ZNF136: variants seen among roughly 807,000 people sequenced by gnomAD.
ZNF136 encodes zinc finger protein 136.
Under a neutral mutation model 11.4 loss-of-function variants are expected in ZNF136, and 8 were observed. The observed-to-expected ratio is 0.70, with a 90% CI of 0.41 to 1.27. The LOEUF (loss-of-function observed/expected upper bound fraction) is 1.27. ZNF136 is among the 50% of genes most tolerant of loss of function. ZNF136 has a pLI of 0.01. For synonymous variants in ZNF136, 190 were observed against 207.1 expected (o/e 0.92, Z 0.71); for missense variants, 590 against 656.5 (o/e 0.90, Z 1.11).
At chr19:12,166,399 G>T (rs965723739) in intron 1 of ZNF136, among the ~76,000 whole-genome samples, 1 of 152,136 alleles carries the variant, frequency 6.6e-6, no homozygotes, top group Non-Finnish European at 1.5e-5. Flanking sequence ...TCAGGGAAAA[G>T]AAATGGGGGT....
At position 12,187,988 on chromosome 19, in the gene ZNF136, G is replaced by T; in HGVS notation, c.1610G>T (p.Trp537Leu). ...GATGGACCACCTTATAAATGCATGT[G>T]GGAAAGCCTTTAATGCTCTGGGTTC... ...AEDGPPYKCM[W>L]ESL The change falls in exon 4 of 4, where the codon TGG becomes TTG. Residue 537 changes from tryptophan (W) to leucine (L), a missense_variant. Coordinates refer to ENST00000343979, the MANE Select transcript of ZNF136 (RefSeq NM_003437.5). 6.6e-7 allele frequency: 1 copy of T among 1,524,856 alleles called. No individual in the cohort carries two copies. The highest frequency in any genetic ancestry group is 8.8e-7 in the Non-Finnish European group (1 of 1,140,982). The allele number at this position is 1,524,856 out of a possible 1,614,324, so 94.5% of individuals were successfully genotyped here.
chr19:12,177,464 T>A (rs918188171), intron 1 of ZNF136, among the ~76,000 whole-genome samples: 2 of 152,220 alleles, frequency 1.3e-5, no homozygotes, highest in East Asian at 3.9e-4. Context: ...TTCTCCTGCC[T>A]CAGCCTCCTG....
intron 1 of ZNF136, 134 bp from the exon 2 acceptor site, chr19:12,185,651 T>G: frequency 8.8e-7 from 1 of 1,139,718 alleles, no homozygotes; most frequent in Non-Finnish European, 1.2e-6. Flanking sequence ...TGGAAGGAAG[T>G]GAGTATGATG....
chr19:12,167,541 C>T (rs966702666), intron 1 of ZNF136, among the ~76,000 whole-genome samples: 2 of 152,210 alleles, frequency 1.3e-5, no homozygotes, highest in African/African-American at 2.4e-5. Flanking sequence ...GCCTAGGCAA[C>T]ATTGCCAGAC....
In ZNF136 at chr19:12,186,798, T is replaced by TA; in HGVS notation, c.421dup (p.Thr141AsnfsTer3). On this transcript the variant is annotated frameshift_variant, in exon 4 of 4. Coordinates refer to ENST00000343979, the MANE Select transcript of ZNF136 (RefSeq NM_003437.5). LOFTEE classifies it low-confidence loss of function (END_TRUNC). ...ATCAGGAATATGGAGAGAAGCCAGA[T>TA]ACACGTAACCAGTGTTGGAAACCCT... The TA allele has an allele frequency of 6.2e-7, 1 of 1,614,146 alleles. No homozygotes were observed. The highest frequency in any genetic ancestry group is 8.5e-7 in the Non-Finnish European group (1 of 1,180,020).
chr19:12,176,123 C>T (rs1408138896), intron 1 of ZNF136, among the ~76,000 whole-genome samples: 1 of 152,134 alleles, frequency 6.6e-6, no homozygotes, highest in African/African-American at 2.4e-5. Context: ...AATAACGCTG[C>T]TATAAACATC....
chr19:12,182,110 A>G (rs1358767637), intron 1 of ZNF136, among the ~76,000 whole-genome samples: 2 of 152,130 alleles, frequency 1.3e-5, no homozygotes, highest in Non-Finnish European at 2.9e-5. Flanking sequence ...GAAAGATGTC[A>G]TATTTTAAGT....
At chr19:12,177,769 A>G (rs1914837860) in intron 1 of ZNF136, among the ~76,000 whole-genome samples, 1 of 152,204 alleles carries the variant, frequency 6.6e-6, no homozygotes, top group Non-Finnish European at 1.5e-5. Flanking sequence ...TTTGTCATTT[A>G]TATTTGCTCT....
At chr19:12,180,891 G>T (rs983683723) in intron 1 of ZNF136, among the ~76,000 whole-genome samples, 6 of 152,236 alleles carry the variant, frequency 3.9e-5, no homozygotes, top group African/African-American at 1.4e-4. Flanking sequence ...CTAGAACCAC[G>T]TTGGATCCCT....
At chr19:12,170,756 G>GCCTCCC (rs1313307450) in intron 1 of ZNF136, among the ~76,000 whole-genome samples, 3 of 151,364 alleles carry the variant, frequency 2.0e-5, no homozygotes, top group African/African-American at 7.3e-5. Context: ...TGCAACCTCT[G>GCCTCCC]CCTCCTGGGT....
intron 1 of ZNF136, among the ~76,000 whole-genome samples, chr19:12,163,440 A>G (rs1029804750): frequency 1.3e-5 from 2 of 152,218 alleles, no homozygotes; most frequent in African/African-American, 4.8e-5. Flanking sequence ...CCGGCCCCGA[A>G]GACCCAAGTC....
In ZNF136 at chr19:12,187,783, A is replaced by G. The variant is rs1915155141; in HGVS notation, c.1405A>G (p.Ile469Val). Reference sequence around the variant, plus strand: ...CAACTCCTTTCGAACACATGAAATGATTCACACTGGTGAGAAACCCTTTGA... The same window carrying G: ...CAACTCCTTTCGAACACATGAAATGGTTCACACTGGTGAGAAACCCTTTGA... ...YLNSFRTHEM[I>V]HTGEKPFECK... The change falls in exon 4 of 4, where the codon ATT becomes GTT. Residue 469 changes from isoleucine to valine, a missense_variant. Transcript: ENST00000343979. The G allele has an allele frequency of 2.5e-6, 4 of 1,611,428 alleles. No individual in the cohort carries two copies. The highest frequency in any genetic ancestry group is 3.4e-5 in the Admixed American group (2 of 59,358).
chr19:12,174,846 A>C (rs1488771384), intron 1 of ZNF136, among the ~76,000 whole-genome samples: 2 of 139,396 alleles, frequency 1.4e-5, no homozygotes, highest in Non-Finnish European at 3.0e-5. Context: ...CATGTTAGTC[A>C]GGATGGCTTT....
At chr19:12,170,857 C>T (rs1282366076) in intron 1 of ZNF136, among the ~76,000 whole-genome samples, 5 of 144,630 alleles carry the variant, frequency 3.5e-5, no homozygotes, top group South Asian at 2.2e-4. Context: ...TTTTTTGAGA[C>T]GGAGTTTCAC....
At chr19:12,178,260 GTTAA>G (rs1373542326) in intron 1 of ZNF136, among the ~76,000 whole-genome samples, 1 of 152,142 alleles carries the variant, frequency 6.6e-6, no homozygotes, top group Non-Finnish European at 1.5e-5. Context: ...TTTCCACTCT[GTTAA>G]TTGTTTCCTT....
chr19:12,176,419 T>C (rs1914795108), intron 1 of ZNF136, among the ~76,000 whole-genome samples: 1 of 151,988 alleles, frequency 6.6e-6, no homozygotes, highest in African/African-American at 2.4e-5. Context: ...CTCTGCCTCC[T>C]TGATTCAAGC....
At chr19:12,182,342 T>G (rs551275815) in intron 1 of ZNF136, among the ~76,000 whole-genome samples, 2 of 152,346 alleles carry the variant, frequency 1.3e-5, no homozygotes, top group South Asian at 4.1e-4. Context: ...GCCCTCAGCC[T>G]GTCCTCTCTT....
chr19:12,189,155 A>G lies in ZNF136; in HGVS notation c.*1154A>G, dbSNP rs1915194041. The G allele has an allele frequency of 6.6e-6, 1 of 152,158 alleles. No homozygotes were observed. Among genetic ancestry groups the G allele is most frequent in the Admixed American group, 6.6e-5 (1 of 15,264 alleles). The allele number at this position is 152,158 out of a possible 1,614,324, so 9.4% of individuals were successfully genotyped here. A position where few individuals can be genotyped will look rare whatever the true frequency, so the allele number is the denominator to read the frequency against. On this transcript the variant is annotated 3_prime_UTR_variant, in exon 4 of 4. Transcript: ENST00000343979. Reference sequence around the variant, plus strand: ...AACAATGAATTTAAATGTGTTTCTCATATTCAGGTATGTTAAATTGTATAT... The same window carrying G: ...AACAATGAATTTAAATGTGTTTCTCGTATTCAGGTATGTTAAATTGTATAT...
intron 1 of ZNF136, among the ~76,000 whole-genome samples, chr19:12,181,723 C>T: frequency 6.6e-6 from 1 of 151,994 alleles, no homozygotes; most frequent in South Asian, 2.1e-4. Context: ...CAAGCTCCGC[C>T]TCCCGGGTTC....
Sources: allele counts gnomAD v4.1 joint callset (sites outside exome capture counted in the v4.1 genomes callset), GRCh38; gene constraint gnomAD v4.1.1; transcripts MANE v1.5; gene names NCBI Gene and HGNC (gene_info 2026-07-23, HGNC 2026-07-21).